EEPD1: variants seen among roughly 807,000 people sequenced by gnomAD.
The protein encoded by EEPD1 is endonuclease/exonuclease/phosphatase family domain containing 1.
EEPD1 carries 17 observed loss-of-function variants against 46.3 expected under a neutral mutation model. The observed-to-expected ratio is 0.37, with a 90% CI of 0.25 to 0.55. EEPD1 has a LOEUF of 0.55. Among genes scored for constraint, EEPD1 ranks in the 20% least tolerant of loss-of-function variants. The probability of loss-of-function intolerance (pLI) is 0.83; values close to 1 mark genes in which losing one functional copy is unlikely to be tolerated. For synonymous variants in EEPD1, 313 were observed against 315.6 expected (o/e 0.99, Z 0.09); for missense variants, 673 against 745.6 (o/e 0.90, Z 1.13).
intron 2 of EEPD1, among the ~76,000 whole-genome samples, chr7:36,187,954 C>T (rs985349108): frequency 3.3e-5 from 5 of 152,144 alleles, no homozygotes; most frequent in Admixed American, 1.3e-4. Flanking sequence ...CGTGCCACCA[C>T]GCCCGGCTAA....
At chr7:36,213,080 G>A (rs1462233219) in intron 2 of EEPD1, among the ~76,000 whole-genome samples, 3 of 152,332 alleles carry the variant, frequency 2.0e-5, no homozygotes, top group Admixed American at 6.5e-5. Flanking sequence ...TTGTACCTGC[G>A]AGGCGGAGGT....
At chr7:36,236,443 G>C (rs1187341153) in intron 2 of EEPD1, among the ~76,000 whole-genome samples, 1 of 152,230 alleles carries the variant, frequency 6.6e-6, no homozygotes, top group Admixed American at 6.5e-5. Context: ...CTCTTCGCGG[G>C]ATTGTTGGCC....
chr7:36,221,474 GCTAA>G (rs1185562935), intron 2 of EEPD1, among the ~76,000 whole-genome samples: 1 of 152,204 alleles, frequency 6.6e-6, no homozygotes, highest in Non-Finnish European at 1.5e-5. Context: ...GAATTAAAGT[GCTAA>G]CTGTTAAAGA....
intron 3 of EEPD1, among the ~76,000 whole-genome samples, chr7:36,262,713 C>T (rs1222176868): frequency 1.3e-5 from 2 of 152,080 alleles, no homozygotes; most frequent in South Asian, 4.1e-4. Context: ...GTCGAGTGTT[C>T]CTGGAGGAAG....
intron 2 of EEPD1, among the ~76,000 whole-genome samples, chr7:36,173,462 G>A (rs1428313749): frequency 6.6e-6 from 1 of 150,610 alleles, no homozygotes; most frequent in African/African-American, 2.4e-5. Context: ...TTGCACCACT[G>A]TACTTCAGCC....
chr7:36,165,163 C>T (rs939074338), intron 2 of EEPD1, among the ~76,000 whole-genome samples: 6 of 152,256 alleles, frequency 3.9e-5, no homozygotes, highest in South Asian at 4.1e-4. Context: ...CTCAGAGCAA[C>T]GTCCAGTCCT....
intron 3 of EEPD1, among the ~76,000 whole-genome samples, chr7:36,272,731 G>A (rs894470551): frequency 6.6e-6 from 1 of 152,110 alleles, no homozygotes; most frequent in Non-Finnish European, 1.5e-5. Flanking sequence ...ACCTTCCTCT[G>A]CATGATAAGA....
intron 3 of EEPD1, among the ~76,000 whole-genome samples, chr7:36,254,468 T>A (rs537305811): frequency 6.6e-6 from 1 of 152,350 alleles, no homozygotes; most frequent in East Asian, 1.9e-4. Context: ...TCATCCTTTT[T>A]ATGGCTGCAT....
At chr7:36,268,752 A>G (rs1212419593) in intron 3 of EEPD1, among the ~76,000 whole-genome samples, 1 of 152,220 alleles carries the variant, frequency 6.6e-6, no homozygotes. Context: ...GAGAGCACAT[A>G]CAGAGACTTG....
intron 6 of EEPD1, among the ~76,000 whole-genome samples, chr7:36,291,923 G>A (rs940173083): frequency 4.3e-4 from 66 of 152,222 alleles, no homozygotes; most frequent in African/African-American, 1.4e-3. Context: ...ATTTCTACTC[G>A]CTTTGCTTGG....
At chr7:36,219,605 GAGGAAGGA>G (rs1287062120) in intron 2 of EEPD1, among the ~76,000 whole-genome samples, 1 of 147,980 alleles carries the variant, frequency 6.8e-6, no homozygotes, top group Non-Finnish European at 1.5e-5. Context: ...GAAGGAGGAA[GAGGAAGGA>G]AGGAAAGAAG....
Position 36,154,713 on chromosome 7 carries a change from C to T in EEPD1, c.389C>T (p.Ala130Val), listed in dbSNP as rs758262436. 4.9e-5 allele frequency: 79 copies of T among 1,613,894 alleles called. No individual in the cohort carries two copies. Among genetic ancestry groups the T allele is most frequent in the Non-Finnish European group, 6.4e-5 (76 of 1,180,038 alleles). The change falls in exon 2 of 8, where the codon GCT becomes GTT. Residue 130 changes from alanine to valine, a missense_variant. Physicochemically the swap from Ala to Val is moderately conservative, Grantham distance 64 (BLOSUM62 0). Transcript: ENST00000242108. This position sits in a 1 kb window ranked among gnomAD's most constrained non-coding sequence, Gnocchi z 4.2. ...CAGCAGCCTCACCACCTGGCCACAG[C>T]TGTGCCCCTCACCCCACGTGTTAAC... is the stretch of plus-strand genomic sequence containing the variant. ...AEQQPHHLAT[A>V]VPLTPRVNIN... is the part of the protein sequence containing the mutation.
intron 2 of EEPD1, among the ~76,000 whole-genome samples, chr7:36,233,431 G>A (rs1024837607): frequency 5.9e-5 from 9 of 152,228 alleles, no homozygotes; most frequent in African/African-American, 1.9e-4. Context: ...AACTTGGCCT[G>A]AAGGCCTCCA....
intron 2 of EEPD1, among the ~76,000 whole-genome samples, chr7:36,179,485 C>G (rs978863851): frequency 2.0e-5 from 3 of 151,638 alleles, no homozygotes; most frequent in African/African-American, 7.3e-5. Flanking sequence ...CTTTGGGAGG[C>G]AAGGCGGGAG....
rs1479977852 is a variant in EEPD1, at chr7:36,193,514, G to A, written c.878+38312G>A. On this transcript the variant is annotated intron_variant, in intron 2 of 7. Transcript: ENST00000242108. The surrounding 1 kb of genome is among the most constrained non-coding windows in gnomAD (Gnocchi z 4.9). ...CAGAGGCAGAGGGAGGCCATGGGAA[G>A]CACCCAGGGCTGGGCTCTGGGTGTA... Among the ~76,000 whole-genome samples, 4 of 152,136 alleles carry A rather than the reference G, an allele frequency of 2.6e-5. No homozygotes were observed. Among genetic ancestry groups the A allele is most frequent in the Non-Finnish European group, 5.9e-5 (4 of 68,014 alleles).
Position 36,154,992 on chromosome 7 carries a change from C to G in EEPD1, c.668C>G (p.Ser223Cys). The change falls in exon 2 of 8, where the codon TCC becomes TGC. Residue 223 changes from serine to cysteine, a missense_variant. By Grantham distance (112) the Ser-to-Cys change is moderately radical. Coordinates refer to ENST00000242108, the MANE Select transcript of EEPD1 (RefSeq NM_030636.3). The surrounding 1 kb of genome is among the most constrained non-coding windows in gnomAD (Gnocchi z 4.2). ...GCCAAGCCTCACCCGAGCCCCACTTCCCTGAGCCTGCAGAGTGAGGACCTG... is the reference window on the plus strand; with the variant it reads ...GCCAAGCCTCACCCGAGCCCCACTTGCCTGAGCCTGCAGAGTGAGGACCTG... ...FTAKPHPSPT[S>C]LSLQSEDLDL... 3 of 1,613,332 alleles carry G rather than the reference C, an allele frequency of 1.9e-6. No individual in the cohort carries two copies. Among genetic ancestry groups the G allele is most frequent in the Non-Finnish European group, 2.5e-6 (3 of 1,179,558 alleles).
intron 4 of EEPD1, among the ~76,000 whole-genome samples, chr7:36,282,950 G>T (rs985064089): frequency 6.6e-6 from 1 of 152,234 alleles, no homozygotes; most frequent in Non-Finnish European, 1.5e-5. Context: ...ATATCTGCAG[G>T]TTGAAAATGT....
intron 3 of EEPD1, among the ~76,000 whole-genome samples, chr7:36,257,842 A>G (rs1182497071): frequency 6.6e-6 from 1 of 152,104 alleles, no homozygotes; most frequent in African/African-American, 2.4e-5. Flanking sequence ...GTCAAACTCA[A>G]TTTCTGTCCA....
At chr7:36,281,876 T>C (rs2115871822) in intron 4 of EEPD1, among the ~76,000 whole-genome samples, 1 of 152,350 alleles carries the variant, frequency 6.6e-6, no homozygotes, top group East Asian at 1.9e-4. Flanking sequence ...TACATAATTT[T>C]CCTATAAATG....
Sources: allele counts gnomAD v4.1 joint callset (sites outside exome capture counted in the v4.1 genomes callset), GRCh38; gene constraint gnomAD v4.1.1; non-coding constraint Gnocchi (gnomAD v3.1); transcripts MANE v1.5; gene names NCBI Gene and HGNC (gene_info 2026-07-23, HGNC 2026-07-21).